Variants in WDR4 observed in about 807,000 individuals in gnomAD.
WDR4 encodes the protein tRNA (guanine-N(7)-)-methyltransferase non-catalytic subunit WDR4.
Under a neutral mutation model 48.6 loss-of-function variants are expected in WDR4, and 47 were observed. The ratio of observed to expected loss-of-function variants is 0.97; its 90% CI spans 0.77 to 1.23. The LOEUF is 1.23. WDR4 is among the 50% of genes most tolerant of loss of function. WDR4 has a pLI of 0.00. For missense variants in WDR4, 606 were observed against 551.6 expected (o/e 1.10, Z -0.99); for synonymous variants, 268 against 230.0 (o/e 1.17, Z -1.49).
At chr21:42,870,675 G>C (rs761280622) in intron 3 of WDR4, among the ~76,000 whole-genome samples, 4 of 152,220 alleles carry the variant, frequency 2.6e-5, no homozygotes, top group Non-Finnish European at 4.4e-5. Context: ...TGTAATCCCA[G>C]CTACTTGGGA....
chr21:42,863,470 C>G lies in WDR4; in HGVS notation c.423G>C (p.Glu141Asp). The change falls in exon 4 of 11, where the codon GAG becomes GAC. Residue 141 changes from glutamate (E) to aspartate (D), a missense_variant. Transcript: ENST00000398208. ...CTAACAGCATAGACAGGTGCCCCAG[C>G]TCTAGACGGCCACACCCGTGTGGCT... ...VLEPHGCGRL[E>D]LGHLSMLLDV... 6.2e-7 allele frequency: 1 copy of G among 1,613,876 alleles called. No individual in the cohort carries two copies.
At chr21:42,892,267 AAAT>A in the WDR4 span, among the ~76,000 whole-genome samples, 129 of 98,106 alleles carry the variant, frequency 1.3e-3, 2 homozygotes, top group Non-Finnish European at 9.7e-4. Flanking sequence ...AAAAAAAAAA[AAAT>A]TTAAACAAAA....
At chr21:42,870,696 G>A (rs184894046) in intron 3 of WDR4, among the ~76,000 whole-genome samples, 214 of 152,206 alleles carry the variant, frequency 1.4e-3, no homozygotes, top group African/African-American at 4.4e-3. Flanking sequence ...GGTTGAGGCA[G>A]GAGAATTGCT....
chr21:42,874,499 C>A (rs199962035), intron 2 of WDR4, among the ~76,000 whole-genome samples: 1 of 152,150 alleles, frequency 6.6e-6, no homozygotes, highest in Non-Finnish European at 1.5e-5. Context: ...GTGAGCCAGG[C>A]GGAACAGAGC....
upstream of WDR4, among the ~76,000 whole-genome samples, chr21:42,884,158 A>G (rs990867208): frequency 5.9e-5 from 9 of 152,162 alleles, no homozygotes; most frequent in African/African-American, 2.2e-4. Context: ...CACATATATC[A>G]CATTTTGTTT....
chr21:42,887,968 A>G, the WDR4 span, among the ~76,000 whole-genome samples: 2 of 152,276 alleles, frequency 1.3e-5, no homozygotes, highest in Non-Finnish European at 2.9e-5. Flanking sequence ...ATAAATTTTA[A>G]TATTTTATCA....
chr21:42,855,963 G>A (rs1171542615), intron 6 of WDR4, among the ~76,000 whole-genome samples, 183 bp from the exon 7 acceptor site: 4 of 152,176 alleles, frequency 2.6e-5, no homozygotes, highest in Non-Finnish European at 4.4e-5. Flanking sequence ...CAAGGACAAC[G>A]GTGGGGAACG....
chr21:42,886,448 G>A, the WDR4 span, among the ~76,000 whole-genome samples: 4 of 152,168 alleles, frequency 2.6e-5, no homozygotes, highest in Non-Finnish European at 4.4e-5. Flanking sequence ...TTTTGTGTTT[G>A]TTGTTGGTGT....
intron 3 of WDR4, among the ~76,000 whole-genome samples, chr21:42,872,098 C>A (rs1183074814): frequency 6.6e-6 from 1 of 152,066 alleles, no homozygotes; most frequent in Non-Finnish European, 1.5e-5. Context: ...GATTCTCCTG[C>A]CTCAGCCTCC....
rs751281930 is a variant in WDR4, at chr21:42,879,261, C to T, written c.89+146G>A. Reference sequence around the variant, plus strand: ...CAGAGACGCGGCCAGGCCGAGACTGCGGCGGAGGACTCGTGGGCTGGAGCG... The same window carrying T: ...CAGAGACGCGGCCAGGCCGAGACTGTGGCGGAGGACTCGTGGGCTGGAGCG... On this transcript the variant is annotated intron_variant, in intron 1 of 10. Coordinates refer to ENST00000398208, the MANE Select transcript of WDR4 (RefSeq NM_018669.6). 116 of 1,371,172 alleles carry T rather than the reference C, an allele frequency of 8.5e-5. No homozygotes were observed. The African/African-American group carries it at 1.5e-3, about 18-fold the overall frequency. The allele number at this position is 1,371,172 out of a possible 1,614,324, so 84.9% of individuals were successfully genotyped here.
intron 3 of WDR4, among the ~76,000 whole-genome samples, chr21:42,871,394 C>G (rs947982145): frequency 2.6e-5 from 4 of 152,242 alleles, no homozygotes; most frequent in African/African-American, 9.6e-5. Flanking sequence ...CAAGGCCAAC[C>G]TACTAGAAAG....
intron 5 of WDR4, among the ~76,000 whole-genome samples, chr21:42,860,861 C>G (rs2058097734): frequency 6.6e-6 from 1 of 152,236 alleles, no homozygotes; most frequent in Non-Finnish European, 1.5e-5. Flanking sequence ...AACAGACCCA[C>G]AGAACCACTC....
intron 2 of WDR4, among the ~76,000 whole-genome samples, chr21:42,875,334 G>A (rs1011003093): frequency 6.6e-6 from 1 of 152,020 alleles, no homozygotes; most frequent in African/African-American, 2.4e-5. Context: ...GGTGGATCAC[G>A]AGGTCAGGAG....
chr21:42,891,327 C>CAAAA, the WDR4 span, among the ~76,000 whole-genome samples: 2 of 123,810 alleles, frequency 1.6e-5, no homozygotes, highest in African/African-American at 3.0e-5. Flanking sequence ...GATTCTGTCT[C>CAAAA]AAAAAAAAAA....
intron 6 of WDR4, among the ~76,000 whole-genome samples, chr21:42,858,509 G>A (rs908063721): frequency 1.3e-5 from 2 of 152,194 alleles, no homozygotes; most frequent in African/African-American, 4.8e-5. Flanking sequence ...GGAGATTAAA[G>A]GTATTTCCAG....
At chr21:42,876,817 TAAC>T (rs1188551388) in intron 1 of WDR4, 50 bp from the exon 2 acceptor site, 3 of 1,557,812 alleles carry the variant, frequency 1.9e-6, no homozygotes, top group Non-Finnish European at 2.6e-6. Context: ...TAGAGAGAAA[TAAC>T]AAATTTTTTT....
chr21:42,866,849 G>A (rs2058258599), intron 3 of WDR4, among the ~76,000 whole-genome samples: 1 of 152,116 alleles, frequency 6.6e-6, no homozygotes, highest in Admixed American at 6.5e-5. Context: ...GATTATTGAG[G>A]AATTTGCCAA....
At chr21:42,859,835 CCT>C (rs2146035043) in intron 5 of WDR4, 113 bp from the exon 6 acceptor site, 1 of 1,104,128 alleles carries the variant, frequency 9.1e-7, no homozygotes, top group South Asian at 1.4e-5. Flanking sequence ...CCCTAAACCC[CCT>C]GATCCAATAA....
intron 2 of WDR4, among the ~76,000 whole-genome samples, chr21:42,876,252 T>C (rs8134864): frequency 0.62 from 84,909 of 136,146 alleles, 28,099 homozygotes; most frequent in African/African-American, 0.84. Flanking sequence ...CTTGCTCTAT[T>C]CCCCAGGCTG....
Sources: gnomAD v4.1 joint callset for allele counts (sites outside exome capture counted in the v4.1 genomes callset) on GRCh38, gnomAD v4.1.1 for gene constraint, MANE v1.5 for transcripts, NCBI Gene and HGNC (gene_info 2026-07-23, HGNC 2026-07-21) for gene names.